The following MAGI1 variants were observed in gnomAD, a reference collection of about 807,000 sequenced individuals.
MAGI1 encodes the protein membrane-associated guanylate kinase, WW and PDZ domain-containing protein 1.
A neutral mutation model predicts 139.9 loss-of-function variants in MAGI1; 58 were observed. The observed-to-expected ratio is 0.41, with a 90% confidence interval of 0.34 to 0.52. The LOEUF (loss-of-function observed/expected upper bound fraction) is 0.52. Among genes scored for constraint, MAGI1 ranks in the 20% least tolerant of loss-of-function variants. The pLI is 0.12. For synonymous variants in MAGI1, 812 were observed against 737.9 expected (o/e 1.10, Z -1.63); for missense variants, 1,874 against 1,901.6 (o/e 0.99, Z 0.27).
chr3:65,850,210 G>A (rs2059155490), intron 1 of MAGI1, among the ~76,000 whole-genome samples: 2 of 152,090 alleles, frequency 1.3e-5, no homozygotes, highest in Admixed American at 1.3e-4. Context: ...CCATGTGTTT[G>A]TGTCATGCTG....
intron 5 of MAGI1, among the ~76,000 whole-genome samples, chr3:65,463,568 G>A (rs1949962165): frequency 9.4e-6 from 1 of 106,702 alleles, no homozygotes; most frequent in African/African-American, 3.3e-5. Context: ...ATGTGTGTGT[G>A]TGTGTGTGTG....
intron 1 of MAGI1, among the ~76,000 whole-genome samples, chr3:65,838,202 C>T (rs2058691262): frequency 6.6e-6 from 1 of 152,152 alleles, no homozygotes. Context: ...ATCCCAACTA[C>T]TAGGAAGGCT....
intron 1 of MAGI1, among the ~76,000 whole-genome samples, chr3:65,903,102 C>A (rs1273825995): frequency 6.6e-6 from 1 of 152,106 alleles, no homozygotes; most frequent in Non-Finnish European, 1.5e-5. Context: ...AATCCCCCCA[C>A]CTCAGCCTCC....
intron 1 of MAGI1, among the ~76,000 whole-genome samples, chr3:66,007,777 C>T (rs917448397): frequency 6.6e-6 from 1 of 151,008 alleles, no homozygotes; most frequent in Non-Finnish European, 1.5e-5. Context: ...ATAACCATTT[C>T]AGTGTATTTG....
intron 1 of MAGI1, among the ~76,000 whole-genome samples, chr3:65,886,609 G>A (rs557211662): frequency 9.9e-5 from 15 of 152,170 alleles, no homozygotes; most frequent in Non-Finnish European, 2.1e-4. Context: ...GAAGAGAAGA[G>A]ACCTGCTCTC....
intron 13 of MAGI1, among the ~76,000 whole-genome samples, chr3:65,394,820 G>C (rs1042295587): frequency 6.6e-6 from 1 of 152,084 alleles, no homozygotes; most frequent in Non-Finnish European, 1.5e-5. Context: ...ATTTTCAGCA[G>C]TCTGGATCAC....
intron 1 of MAGI1, among the ~76,000 whole-genome samples, chr3:65,966,312 CA>C (rs1461743587): frequency 6.6e-6 from 1 of 152,072 alleles, no homozygotes; most frequent in Non-Finnish European, 1.5e-5. Flanking sequence ...TACCAAACTA[CA>C]AAAAACAGCA....
At chr3:65,956,785 G>T (rs560029673) in intron 1 of MAGI1, among the ~76,000 whole-genome samples, 8 of 152,002 alleles carry the variant, frequency 5.3e-5, no homozygotes, top group Non-Finnish European at 8.8e-5. Context: ...ACCACTTGAG[G>T]TCAGAAGTTC....
intron 12 of MAGI1, among the ~76,000 whole-genome samples, chr3:65,408,119 T>C (rs181341608): frequency 7.2e-5 from 11 of 152,322 alleles, no homozygotes; most frequent in African/African-American, 2.2e-4. Context: ...ACCCACTCTA[T>C]TGGGGCCTAT....
In MAGI1 at chr3:65,980,564, CA is replaced by C. The variant is rs11410142; in HGVS notation, c.313+57431del. 5.5e-3 allele frequency among the ~76,000 whole-genome samples: 700 copies of C among 127,660 alleles called. 4 individuals are homozygous for C. The highest frequency in any genetic ancestry group is 0.019 in the African/African-American group (648 of 33,326). The allele number at this position is 127,660 out of a possible 152,430, so 83.7% of individuals were successfully genotyped here. On this transcript the variant is annotated intron_variant, in intron 1 of 22. Transcript: ENST00000402939. ...TGGGCAAGAGACTGAGACTCCATCT[CA>C]AAAAAAAAAAAAAAGGCAAGATAGA...
chr3:65,439,097 TG>T (rs760816997), intron 9 of MAGI1, among the ~76,000 whole-genome samples: 29 of 152,234 alleles, frequency 1.9e-4, no homozygotes, highest in Middle Eastern at 3.4e-3. Context: ...AATGAAAAAC[TG>T]GGGAAAGCCA....
chr3:65,942,246 C>T (rs1360122879), intron 1 of MAGI1, among the ~76,000 whole-genome samples: 1 of 151,596 alleles, frequency 6.6e-6, no homozygotes, highest in African/African-American at 2.4e-5. Context: ...ACAAAACCAC[C>T]AAAAGGAGAA....
intron 13 of MAGI1, among the ~76,000 whole-genome samples, chr3:65,394,076 T>A (rs1306017529): frequency 1.3e-5 from 2 of 152,184 alleles, no homozygotes; most frequent in Non-Finnish European, 2.9e-5. Flanking sequence ...ATTCAGCATG[T>A]CACGTCATGG....
At chr3:65,752,761 C>A (rs965751889) in intron 1 of MAGI1, among the ~76,000 whole-genome samples, 1 of 152,202 alleles carries the variant, frequency 6.6e-6, no homozygotes, top group African/African-American at 2.4e-5. Context: ...AGCAAAGAAT[C>A]CTACTCAGTC....
At chr3:65,549,340 T>A in intron 2 of MAGI1, 2 of 752,056 alleles carry the variant, frequency 2.7e-6, no homozygotes, top group Non-Finnish European at 3.2e-6. Context: ...GTCTCCTTCC[T>A]CCCTTCCTAA....
At chr3:65,363,948 T>C (rs1941143131) in intron 20 of MAGI1, among the ~76,000 whole-genome samples, 1 of 152,132 alleles carries the variant, frequency 6.6e-6, no homozygotes, top group African/African-American at 2.4e-5. Flanking sequence ...GTCCAATAAA[T>C]GCTGGCTGTG....
At chr3:65,953,754 C>G (rs2063976951) in intron 1 of MAGI1, among the ~76,000 whole-genome samples, 2 of 152,208 alleles carry the variant, frequency 1.3e-5, no homozygotes, top group South Asian at 4.1e-4. Flanking sequence ...GTGTAGCTTG[C>G]TGCCACTCTG....
chr3:66,014,318 G>A (rs754621273), intron 1 of MAGI1, among the ~76,000 whole-genome samples: 1 of 152,050 alleles, frequency 6.6e-6, no homozygotes, highest in Non-Finnish European at 1.5e-5. Flanking sequence ...TTATTTTTAA[G>A]GCACACACAA....
intron 1 of MAGI1, among the ~76,000 whole-genome samples, chr3:65,761,375 C>G (rs148842158): frequency 1.5e-3 from 234 of 152,176 alleles, no homozygotes; most frequent in African/African-American, 5.4e-3. Flanking sequence ...ATGAAGAATA[C>G]TGTTAGACAT....
Sources: allele counts gnomAD v4.1 joint callset (sites outside exome capture counted in the v4.1 genomes callset), GRCh38; gene constraint gnomAD v4.1.1; transcripts MANE v1.5; gene names NCBI Gene and HGNC (gene_info 2026-07-23, HGNC 2026-07-21).